The following SLC9A2 variants were observed in gnomAD, a reference collection of about 807,000 sequenced individuals.
The protein encoded by SLC9A2 is sodium/hydrogen exchanger 2.
In SLC9A2, 42 loss-of-function variants were observed where a neutral mutation model predicts 71.7. The ratio of observed to expected loss-of-function variants is 0.59; its 90% CI spans 0.46 to 0.76. SLC9A2 has a LOEUF of 0.76. Among genes scored for constraint, SLC9A2 ranks in the 30% least tolerant of loss-of-function variants. The probability of loss-of-function intolerance (pLI) is 0.00; values close to 1 mark genes in which losing one functional copy is unlikely to be tolerated. For missense variants in SLC9A2, 829 were observed against 1,017.4 expected (o/e 0.81, Z 2.52); for synonymous variants, 396 against 392.5 (o/e 1.01, Z -0.10).
chr2:102,629,635 C>G (rs988188834), intron 1 of SLC9A2, among the ~76,000 whole-genome samples: 5 of 152,064 alleles, frequency 3.3e-5, no homozygotes, highest in Admixed American at 6.6e-5. Context: ...CCTAATCTTT[C>G]TTTCTTGCCA....
rs1676972269 is a variant in SLC9A2, at chr2:102,657,801, G to A, written c.527G>A (p.Gly176Glu). 6.2e-7 allele frequency: 1 copy of A among 1,614,060 alleles called. No homozygotes were observed. The highest frequency in any genetic ancestry group is 8.5e-7 in the Non-Finnish European group (1 of 1,180,046). The change falls in exon 2 of 12, where the codon GGG (glycine) becomes GAG (glutamate). Residue 176 changes from glycine (G) to glutamate (E), a missense_variant. By Grantham distance (98) the Gly-to-Glu change is moderately conservative. Coordinates refer to ENST00000233969, the MANE Select transcript of SLC9A2 (RefSeq NM_003048.6). Reference protein sequence around the residue: ...IGTIFWYAVVGTLWNSIGIGV... With the variant: ...IGTIFWYAVVETLWNSIGIGV... ...ACGATTTTCTGGTATGCTGTGGTAG[G>A]GACACTTTGGAATTCCATTGGCATT...
At chr2:102,650,330 G>A (rs1412915809) in intron 1 of SLC9A2, among the ~76,000 whole-genome samples, 1 of 151,994 alleles carries the variant, frequency 6.6e-6, no homozygotes, top group Non-Finnish European at 1.5e-5. Flanking sequence ...TTGGTGGGGT[G>A]GGGGGCAAGA....
intron 1 of SLC9A2, among the ~76,000 whole-genome samples, chr2:102,651,999 G>A (rs944496375): frequency 6.6e-6 from 1 of 152,114 alleles, no homozygotes. Context: ...GTCACATTCT[G>A]TCATTCGTCT....
intron 8 of SLC9A2, among the ~76,000 whole-genome samples, chr2:102,701,634 T>C (rs927739105): frequency 1.3e-5 from 2 of 152,202 alleles, no homozygotes; most frequent in African/African-American, 4.8e-5. Context: ...CACAGGGTTC[T>C]TGTGCTTGGG....
At chr2:102,644,424 TC>T (rs1007700756) in intron 1 of SLC9A2, among the ~76,000 whole-genome samples, 5 of 151,184 alleles carry the variant, frequency 3.3e-5, no homozygotes, top group African/African-American at 7.3e-5. Flanking sequence ...TGCAGGAGGC[TC>T]CCCCCCGCCC....
chr2:102,621,914 G>A (rs1038130877), intron 1 of SLC9A2, among the ~76,000 whole-genome samples: 3 of 152,202 alleles, frequency 2.0e-5, no homozygotes, highest in African/African-American at 7.2e-5. Context: ...ATTGGGAGAG[G>A]AGTGCAAAGC....
In SLC9A2 at chr2:102,711,226, G is replaced by A. The variant is rs1678105411; in HGVS notation, c.*2737G>A. Reference sequence around the variant, plus strand: ...TGCCCAAATTGTTTTTATGTTAAAAGTCACGTTTCATAATCTGCAATATTT... The same window carrying A: ...TGCCCAAATTGTTTTTATGTTAAAAATCACGTTTCATAATCTGCAATATTT... On this transcript the variant is annotated 3_prime_UTR_variant, in exon 12 of 12. Coordinates refer to ENST00000233969, the MANE Select transcript of SLC9A2 (RefSeq NM_003048.6). The A allele has an allele frequency of 6.6e-6, 1 of 152,262 alleles. No individual in the cohort carries two copies. The highest frequency in any genetic ancestry group is 2.1e-4 in the South Asian group (1 of 4,824). 9.4% of individuals were successfully genotyped at this position (152,262 alleles called of 1,614,324 possible). A position where few individuals can be genotyped will look rare whatever the true frequency, so the allele number is the denominator to read the frequency against.
chr2:102,648,780 A>T (rs1043933853), intron 1 of SLC9A2, among the ~76,000 whole-genome samples: 2 of 152,226 alleles, frequency 1.3e-5, no homozygotes, highest in Non-Finnish European at 2.9e-5. Flanking sequence ...CTTACAAAGG[A>T]CACGAAGGAC....
chr2:102,708,691 T>G lies in SLC9A2; in HGVS notation c.*202T>G. The G allele has an allele frequency of 1.8e-6, 1 of 562,968 alleles. No homozygotes were observed. The highest frequency in any genetic ancestry group is 4.5e-4 in the Middle Eastern group (1 of 2,214). The allele number at this position is 562,968 out of a possible 1,614,324, so 34.9% of individuals were successfully genotyped here. A position where few individuals can be genotyped will look rare whatever the true frequency, so the allele number is the denominator to read the frequency against. ...ATAAAAAATAGTCCCACAAAATACC[T>G]TTTGTGACTAATGGGTAGCAATCGT... On this transcript the variant is annotated 3_prime_UTR_variant, in exon 12 of 12. Transcript: ENST00000233969.
In SLC9A2 at chr2:102,619,794, G is replaced by C. The variant is rs971255283; in HGVS notation, c.-55G>C. 13 of 1,433,862 alleles carry C rather than the reference G, an allele frequency of 9.1e-6. No individual in the cohort carries two copies. Among genetic ancestry groups the C allele is most frequent in the Non-Finnish European group, 1.2e-5 (13 of 1,093,370 alleles). The allele number at this position is 1,433,862 out of a possible 1,614,324, so 88.8% of individuals were successfully genotyped here. A position where few individuals can be genotyped will look rare whatever the true frequency, so the allele number is the denominator to read the frequency against. On this transcript the variant is annotated 5_prime_UTR_variant, in exon 1 of 12. Transcript: ENST00000233969. The surrounding 1 kb of genome is among the most constrained non-coding windows in gnomAD (Gnocchi z 4.3). ...GGGCTGAGCAGCCCGGGCGCGATGC[G>C]TTGAGCGCTCGGAGGGCCAACCGCC...
intron 1 of SLC9A2, among the ~76,000 whole-genome samples, chr2:102,643,063 G>A (rs1228351501): frequency 6.6e-6 from 1 of 152,104 alleles, no homozygotes; most frequent in Non-Finnish European, 1.5e-5. Flanking sequence ...GATTTCTACA[G>A]GGTCTGTAGT....
intron 9 of SLC9A2, among the ~76,000 whole-genome samples, chr2:102,702,994 G>A (rs1677903226): frequency 6.6e-6 from 1 of 152,122 alleles, no homozygotes; most frequent in Non-Finnish European, 1.5e-5. Context: ...TGTGTTGCAT[G>A]CATTAACTCA....
In SLC9A2 at chr2:102,669,536, C is replaced by T. The variant is rs1248518257; in HGVS notation, c.1004+4186C>T. Among the ~76,000 whole-genome samples the T allele has an allele frequency of 2.6e-5, 4 of 152,136 alleles. No homozygotes were observed. In the East Asian group the frequency reaches 7.7e-4, roughly 29 times the overall value. On this transcript the variant is annotated intron_variant, in intron 3 of 11. Transcript: ENST00000233969. Reference sequence around the variant, plus strand: ...GGGAAAGTTTCCATAGCCCCTTAAACCAGAAACTTCACATATCAATAGCAT... The same window carrying T: ...GGGAAAGTTTCCATAGCCCCTTAAATCAGAAACTTCACATATCAATAGCAT...
At chr2:102,657,240 T>C (rs182784976) in intron 1 of SLC9A2, among the ~76,000 whole-genome samples, 1,532 of 152,126 alleles carry the variant, frequency 0.01, 24 homozygotes, top group African/African-American at 0.035. Context: ...AATAAAATTG[T>C]GTTATTCCAT....
intron 3 of SLC9A2, among the ~76,000 whole-genome samples, chr2:102,679,321 C>CCATGGACATTCATGTTAAA (rs1280261985): frequency 1.3e-5 from 2 of 152,146 alleles, no homozygotes; most frequent in Non-Finnish European, 2.9e-5. Flanking sequence ...GAAAATGATC[C>CCATGGACATTCATGTTAAA]CATGGACATT....
chr2:102,669,114 G>T (rs1311571599), intron 3 of SLC9A2, among the ~76,000 whole-genome samples: 1 of 152,184 alleles, frequency 6.6e-6, no homozygotes, highest in Admixed American at 6.5e-5. Context: ...GTCTACTGTT[G>T]CTGCTATTTA....
At chr2:102,622,261 ACT>A (rs890958101) in intron 1 of SLC9A2, among the ~76,000 whole-genome samples, 56 of 152,218 alleles carry the variant, frequency 3.7e-4, no homozygotes, top group African/African-American at 1.3e-3. Flanking sequence ...TGAGGTGGAA[ACT>A]CTGAGTGAAT....
intron 11 of SLC9A2, among the ~76,000 whole-genome samples, chr2:102,706,325 C>CAAAAAAAAAAAAA (rs1321449192): frequency 3.8e-4 from 1 of 2,616 alleles, no homozygotes; most frequent in Non-Finnish European, 7.1e-4. Context: ...GACTCCGTCT[C>CAAAAAAAAAAAAA]AAAAAAAAAA....
At chr2:102,689,838 G>A (rs1016316250) in intron 5 of SLC9A2, 1 of 152,154 alleles carries the variant, frequency 6.6e-6, no homozygotes, top group Non-Finnish European at 1.5e-5. Context: ...TAGGTTTGAA[G>A]GATGGGACAT....
Sources: gnomAD v4.1 joint callset for allele counts (sites outside exome capture counted in the v4.1 genomes callset) on GRCh38, gnomAD v4.1.1 for gene constraint, Gnocchi (gnomAD v3.1) non-coding constraint, MANE v1.5 for transcripts, NCBI Gene and HGNC (gene_info 2026-07-23, HGNC 2026-07-21) for gene names.